Variants in KCNJ6 observed in about 807,000 individuals in gnomAD.
The protein encoded by KCNJ6 is G protein-activated inward rectifier potassium channel 2.
Under a neutral mutation model 34.2 loss-of-function variants are expected in KCNJ6, and 9 were observed. The ratio of observed to expected loss-of-function variants is 0.26; its 90% CI spans 0.16 to 0.46. The LOEUF (loss-of-function observed/expected upper bound fraction) is 0.46. KCNJ6 is among the 20% of genes least tolerant of loss of function. The pLI is 1.00. For synonymous variants in KCNJ6, 196 were observed against 207.1 expected, an observed-to-expected ratio of 0.95 and a Z score of 0.46; for missense variants, 236 against 531.3, an observed-to-expected ratio of 0.44 and a Z score of 5.46.
intron 3 of KCNJ6, among the ~76,000 whole-genome samples, chr21:37,705,273 G>A (rs1435439118): frequency 6.6e-6 from 1 of 152,202 alleles, no homozygotes; most frequent in African/African-American, 2.4e-5. Context: ...TGGGGAAGGG[G>A]CAGCCCTGAG....
chr21:37,686,608 C>G (rs1398553892), intron 3 of KCNJ6, among the ~76,000 whole-genome samples: 1 of 151,848 alleles, frequency 6.6e-6, no homozygotes, highest in Non-Finnish European at 1.5e-5. Flanking sequence ...GCTGGGATTA[C>G]AGGCACCCAC....
chr21:37,802,717 A>G (rs562633560), intron 2 of KCNJ6, among the ~76,000 whole-genome samples: 99 of 152,214 alleles, frequency 6.5e-4, no homozygotes, highest in Non-Finnish European at 1.2e-3. Context: ...AAATTGTTAC[A>G]AATTCAGTGG....
chr21:37,880,912 G>A (rs1437908910), intron 1 of KCNJ6, among the ~76,000 whole-genome samples: 2 of 152,176 alleles, frequency 1.3e-5, no homozygotes, highest in African/African-American at 4.8e-5. Flanking sequence ...CAGAGAACAT[G>A]TGGATAAGAG....
intron 2 of KCNJ6, among the ~76,000 whole-genome samples, chr21:37,728,898 T>A (rs1158641975): frequency 6.6e-6 from 1 of 152,176 alleles, no homozygotes; most frequent in Non-Finnish European, 1.5e-5. Flanking sequence ...TTATCTGAAG[T>A]CTTGCCCATC....
At chr21:37,632,119 C>CG (rs2054336496) in intron 3 of KCNJ6, among the ~76,000 whole-genome samples, 1 of 151,708 alleles carries the variant, frequency 6.6e-6, no homozygotes, top group African/African-American at 2.4e-5. Flanking sequence ...GGGGGCCGAC[C>CG]GGGGGGAGGG....
chr21:37,649,416 T>G (rs2054421820), intron 3 of KCNJ6, among the ~76,000 whole-genome samples: 1 of 152,204 alleles, frequency 6.6e-6, no homozygotes, highest in South Asian at 2.1e-4. Flanking sequence ...CAATAGGAGT[T>G]ATTAATGAAC....
intron 1 of KCNJ6, among the ~76,000 whole-genome samples, chr21:37,879,775 C>CAG (rs2055698018): frequency 7.9e-6 from 1 of 126,908 alleles, no homozygotes. Context: ...GAGAGAGAGA[C>CAG]AGAGAGAGAG....
intron 1 of KCNJ6, among the ~76,000 whole-genome samples, chr21:37,911,444 C>CA (rs2055866774): frequency 6.6e-6 from 1 of 152,012 alleles, no homozygotes; most frequent in Admixed American, 6.6e-5. Context: ...ACTTAAATGC[C>CA]AATTATTGAA....
rs554878032 is a variant in KCNJ6 at position 37,869,258 on chromosome 21, T to C, written c.-27-28549A>G. Among the ~76,000 whole-genome samples, 4 of 152,352 alleles carry C rather than the reference T, an allele frequency of 2.6e-5. No homozygotes were observed. The South Asian group carries it at 8.3e-4, about 32-fold the overall frequency. On this transcript the variant is annotated intron_variant, in intron 1 of 3. Transcript: ENST00000609713. ...CATGGCCTCCACGGCCGAGCCCTCA[T>C]ATGAGTGACCCCTCTTCTAACCTTA...
At chr21:37,655,989 C>T (rs1187114077) in intron 3 of KCNJ6, among the ~76,000 whole-genome samples, 1 of 152,194 alleles carries the variant, frequency 6.6e-6, no homozygotes, top group Non-Finnish European at 1.5e-5. Flanking sequence ...ACCACATGGC[C>T]ATGGCCCATG....
At chr21:37,878,764 C>T (rs1001970957) in intron 1 of KCNJ6, among the ~76,000 whole-genome samples, 4 of 151,788 alleles carry the variant, frequency 2.6e-5, no homozygotes, top group Non-Finnish European at 5.9e-5. Context: ...AAAGAGGGTC[C>T]GGGAGGGAAA....
intron 1 of KCNJ6, among the ~76,000 whole-genome samples, chr21:37,909,859 T>C (rs1248551677): frequency 6.6e-6 from 1 of 152,238 alleles, no homozygotes; most frequent in East Asian, 1.9e-4. Context: ...CTCTGAAAGA[T>C]TAGATGTCTC....
In KCNJ6 at chr21:37,894,363, C is replaced by T. The variant is rs565989379; in HGVS notation, c.-28+21521G>A. Among the ~76,000 whole-genome samples, 22 of 152,288 alleles carry T rather than the reference C, an allele frequency of 1.4e-4. No homozygotes were observed. The South Asian group carries it at 2.1e-3, about 14-fold the overall frequency. On this transcript the variant is annotated intron_variant, in intron 1 of 3. Transcript: ENST00000609713. Reference sequence around the variant, plus strand: ...TTGAGGTTTGAGAAACACTAACTTACAGCATAAAAATCAACACTTGGCTGG... The same window carrying T: ...TTGAGGTTTGAGAAACACTAACTTATAGCATAAAAATCAACACTTGGCTGG...
rs982096119 is a variant in KCNJ6 at position 37,607,948 on chromosome 21, T to C, written c.*17211A>G. On this transcript the variant is annotated 3_prime_UTR_variant, in exon 4 of 4. Coordinates refer to ENST00000609713, the MANE Select transcript of KCNJ6 (RefSeq NM_002240.5). ...CATGATGGTTTACAACTACATGCTA[T>C]TGAAATTCCACTAGTGATTTATTCT... The C allele has an allele frequency of 6.6e-6, 1 of 152,224 alleles. No homozygotes were observed. The highest frequency in any genetic ancestry group is 1.5e-5 in the Non-Finnish European group (1 of 68,036). 9.4% of individuals were successfully genotyped at this position (152,224 alleles called of 1,614,324 possible). A position where few individuals can be genotyped will look rare whatever the true frequency, so the allele number is the denominator to read the frequency against.
intron 1 of KCNJ6, among the ~76,000 whole-genome samples, chr21:37,884,244 G>T (rs2055724097): frequency 6.6e-6 from 1 of 152,154 alleles, no homozygotes; most frequent in African/African-American, 2.4e-5. Context: ...TCTCACTTAA[G>T]AATGCATCAA....
chr21:37,825,622 T>C (rs2055395343), intron 2 of KCNJ6, among the ~76,000 whole-genome samples: 1 of 152,212 alleles, frequency 6.6e-6, no homozygotes, highest in African/African-American at 2.4e-5. Context: ...TTCCTGCCTC[T>C]ATTTTTTCTC....
intron 2 of KCNJ6, among the ~76,000 whole-genome samples, chr21:37,836,144 C>A (rs567079148): frequency 1.4e-3 from 210 of 152,302 alleles, no homozygotes; most frequent in African/African-American, 4.8e-3. Flanking sequence ...AAAAAATGCT[C>A]ATCATCACTG....
chr21:37,909,477 T>C (rs2055857184), intron 1 of KCNJ6, among the ~76,000 whole-genome samples: 1 of 152,088 alleles, frequency 6.6e-6, no homozygotes, highest in Non-Finnish European at 1.5e-5. Context: ...GCAATTCTTG[T>C]GCCTCAGCCT....
intron 3 of KCNJ6, among the ~76,000 whole-genome samples, chr21:37,656,288 C>T (rs1274059498): frequency 6.6e-6 from 1 of 152,212 alleles, no homozygotes; most frequent in Admixed American, 6.5e-5. Flanking sequence ...AGAATCTTGA[C>T]AAGCTCCTCA....
Sources: allele counts gnomAD v4.1 joint callset (sites outside exome capture counted in the v4.1 genomes callset), GRCh38; gene constraint gnomAD v4.1.1; transcripts MANE v1.5; gene names NCBI Gene and HGNC (gene_info 2026-07-23, HGNC 2026-07-21).